VAV3: variants seen among roughly 807,000 people sequenced by gnomAD.
The protein encoded by VAV3 is guanine nucleotide exchange factor VAV3.
VAV3 carries 94 observed loss-of-function variants against 131.2 expected under a neutral mutation model. That is an observed-to-expected ratio of 0.72 (90% CI 0.61 to 0.85). The LOEUF is 0.85. VAV3 is among the 40% of genes least tolerant of loss of function. The probability of loss-of-function intolerance (pLI) is 0.00; values close to 1 mark genes in which losing one functional copy is unlikely to be tolerated. For synonymous variants in VAV3, 349 were observed against 342.0 expected (o/e 1.02, Z -0.22); for missense variants, 939 against 1,002.7 (o/e 0.94, Z 0.86).
chr1:107,692,001 C>T (rs1411328168), intron 17 of VAV3, among the ~76,000 whole-genome samples: 3 of 151,528 alleles, frequency 2.0e-5, no homozygotes, highest in Non-Finnish European at 4.4e-5. Flanking sequence ...CATTATTGCA[C>T]AATTTGCTTT....
chr1:107,651,477 T>C (rs1295586175), intron 19 of VAV3, among the ~76,000 whole-genome samples: 1 of 151,106 alleles, frequency 6.6e-6, no homozygotes, highest in East Asian at 1.9e-4. Flanking sequence ...GTGCCATAGG[T>C]TGTGCTCTTT....
chr1:107,954,796 C>T (rs975517456), intron 1 of VAV3, among the ~76,000 whole-genome samples: 1 of 150,782 alleles, frequency 6.6e-6, no homozygotes, highest in Admixed American at 6.6e-5. Flanking sequence ...CAGTCCTCAT[C>T]GCAGTTCACA....
At chr1:107,608,465 AT>A (rs1305882672) in intron 22 of VAV3, among the ~76,000 whole-genome samples, 1 of 152,184 alleles carries the variant, frequency 6.6e-6, no homozygotes, top group Admixed American at 6.5e-5. Context: ...CTCAAATTAA[AT>A]TTCTTTCAGG....
intron 1 of VAV3, among the ~76,000 whole-genome samples, chr1:107,954,647 T>G (rs762292276): frequency 5.3e-5 from 8 of 151,872 alleles, no homozygotes; most frequent in African/African-American, 9.7e-5. Flanking sequence ...GCTATTCTCC[T>G]GTCCTGAGGC....
At chr1:107,638,303 A>T (rs10785827) in intron 20 of VAV3, among the ~76,000 whole-genome samples, 150,905 of 152,294 alleles carry the variant, frequency 0.99, 74,780 homozygotes, top group Middle Eastern at 1. Context: ...GGACTCTACA[A>T]AAGGAAAGCT....
intron 25 of VAV3, among the ~76,000 whole-genome samples, chr1:107,578,246 C>T (rs1649789644): frequency 6.6e-6 from 1 of 152,188 alleles, no homozygotes. Flanking sequence ...TTTTCACCTA[C>T]CATGAAGTAT....
intron 15 of VAV3, among the ~76,000 whole-genome samples, chr1:107,739,568 A>T (rs1662884298): frequency 1.3e-5 from 2 of 152,244 alleles, no homozygotes; most frequent in African/African-American, 4.8e-5. Context: ...TTCTGCACCC[A>T]TAAACAAATT....
intron 1 of VAV3, among the ~76,000 whole-genome samples, chr1:107,883,656 G>A (rs1305523856): frequency 6.6e-6 from 1 of 151,990 alleles, no homozygotes. Flanking sequence ...ACATTCTTAA[G>A]CATGATCTTT....
chr1:107,735,728 C>G (rs1662576694), intron 15 of VAV3, among the ~76,000 whole-genome samples: 1 of 151,824 alleles, frequency 6.6e-6, no homozygotes, highest in Non-Finnish European at 1.5e-5. Flanking sequence ...GCCTAACAAC[C>G]AAAAAAAGTC....
At chr1:107,789,385 G>A (rs528453947) in intron 2 of VAV3, among the ~76,000 whole-genome samples, 53 of 152,292 alleles carry the variant, frequency 3.5e-4, no homozygotes, top group African/African-American at 1.2e-3. Context: ...AACATGCCAT[G>A]GATTTCCAGC....
At chr1:107,953,000 A>T (rs1021079226) in intron 1 of VAV3, among the ~76,000 whole-genome samples, 4 of 152,244 alleles carry the variant, frequency 2.6e-5, no homozygotes, top group African/African-American at 9.6e-5. Flanking sequence ...CTTTCAGTTC[A>T]AAATAATACA....
At chr1:107,843,188 C>G (rs1668803700) in intron 2 of VAV3, among the ~76,000 whole-genome samples, 1 of 151,886 alleles carries the variant, frequency 6.6e-6, no homozygotes, top group Non-Finnish European at 1.5e-5. Context: ...ACTGACAGCT[C>G]TGGAATCAGG....
At chr1:107,873,735 A>G (rs1433339182) in intron 2 of VAV3, among the ~76,000 whole-genome samples, 1 of 152,098 alleles carries the variant, frequency 6.6e-6, no homozygotes, top group African/African-American at 2.4e-5. Context: ...GAATCTTAGA[A>G]ACCACCTTCT....
chr1:107,831,094 G>T (rs1245161051), intron 2 of VAV3, among the ~76,000 whole-genome samples: 1 of 151,928 alleles, frequency 6.6e-6, no homozygotes, highest in Admixed American at 6.6e-5. Flanking sequence ...TTCTATTTCA[G>T]ATGCTCAACC....
intron 1 of VAV3, among the ~76,000 whole-genome samples, chr1:107,950,653 GAGA>G (rs1385620471): frequency 6.6e-6 from 1 of 152,214 alleles, no homozygotes; most frequent in African/African-American, 2.4e-5. Flanking sequence ...AGCAAAGCCT[GAGA>G]AGGAGGGTGC....
At chr1:107,806,269 T>G (rs939737409) in intron 2 of VAV3, among the ~76,000 whole-genome samples, 1 of 152,052 alleles carries the variant, frequency 6.6e-6, no homozygotes, top group African/African-American at 2.4e-5. Flanking sequence ...AAACCATGAG[T>G]TGTGGAACAT....
chr1:107,840,276 T>C (rs1251372146), intron 2 of VAV3, among the ~76,000 whole-genome samples: 1 of 152,196 alleles, frequency 6.6e-6, no homozygotes, highest in East Asian at 1.9e-4. Context: ...ACATAAAAAG[T>C]TGGTGCTTCA....
At chr1:107,730,184 G>T (rs938033506) in intron 15 of VAV3, among the ~76,000 whole-genome samples, 10 of 152,204 alleles carry the variant, frequency 6.6e-5, no homozygotes, top group Admixed American at 4.6e-4. Flanking sequence ...GGAGAAGCTA[G>T]TCAATGGTCA....
intron 1 of VAV3, among the ~76,000 whole-genome samples, chr1:107,914,387 G>T (rs1672515163): frequency 6.6e-6 from 1 of 152,142 alleles, no homozygotes; most frequent in Non-Finnish European, 1.5e-5. Context: ...CCTGTGGCAG[G>T]GCACTAGAGT....
Sources: allele counts gnomAD v4.1 joint callset (sites outside exome capture counted in the v4.1 genomes callset), GRCh38; gene constraint gnomAD v4.1.1; transcripts MANE v1.5; gene names NCBI Gene and HGNC (gene_info 2026-07-23, HGNC 2026-07-21).